Variants in NT5C3A observed in about 807,000 individuals in gnomAD.
The protein encoded by NT5C3A is cytosolic 5'-nucleotidase 3A.
Under a neutral mutation model 40.0 loss-of-function variants are expected in NT5C3A, and 23 were observed. That is an observed-to-expected ratio of 0.58 (90% CI 0.41 to 0.81). The LOEUF is 0.81. Among genes scored for constraint, NT5C3A ranks in the 40% least tolerant of loss-of-function variants. NT5C3A has a pLI of 0.00. For synonymous variants in NT5C3A, 130 were observed against 141.4 expected, an observed-to-expected ratio of 0.92 and a Z score of 0.57; for missense variants, 328 against 403.0, an observed-to-expected ratio of 0.81 and a Z score of 1.59.
At chr7:33,032,903 GC>G (rs1308652904) in intron 1 of NT5C3A, among the ~76,000 whole-genome samples, 2 of 152,078 alleles carry the variant, frequency 1.3e-5, no homozygotes, top group Admixed American at 6.5e-5. Context: ...ACAGCCATCT[GC>G]CACTATGCCC....
At chr7:33,062,229 T>TTA (rs975013148) in intron 1 of NT5C3A, among the ~76,000 whole-genome samples, 3 of 152,130 alleles carry the variant, frequency 2.0e-5, no homozygotes, top group Non-Finnish European at 1.5e-5. Flanking sequence ...GACATGCAGC[T>TTA]TATCTCTAGA....
At chr7:33,022,514 G>A (rs1171213668) in intron 3 of NT5C3A, among the ~76,000 whole-genome samples, 1 of 152,074 alleles carries the variant, frequency 6.6e-6, no homozygotes, top group Non-Finnish European at 1.5e-5. Context: ...CCAGACCACT[G>A]TAAAGAAGAA....
intron 1 of NT5C3A, chr7:33,041,011 T>G: frequency 1.0e-6 from 1 of 985,482 alleles, no homozygotes; most frequent in African/African-American, 1.7e-5. Context: ...GACGCACTGC[T>G]GCACAGTACT....
At chr7:33,021,037 G>A (rs1037026220) in intron 5 of NT5C3A, among the ~76,000 whole-genome samples, 3 of 152,096 alleles carry the variant, frequency 2.0e-5, no homozygotes, top group African/African-American at 7.2e-5. Flanking sequence ...AGACTTAAAT[G>A]CAGGACTTTT....
intron 1 of NT5C3A, among the ~76,000 whole-genome samples, chr7:33,053,588 G>C (rs1583968685): frequency 6.6e-6 from 1 of 151,984 alleles, no homozygotes; most frequent in African/African-American, 2.4e-5. Context: ...TTGAGCCCAG[G>C]AGGTCGAGGT....
intron 4 of NT5C3A, among the ~76,000 whole-genome samples, chr7:33,021,656 T>C (rs1322372413): frequency 3.9e-5 from 6 of 152,170 alleles, no homozygotes; most frequent in African/African-American, 1.4e-4. Context: ...ACATTTCAAA[T>C]TGCATTTTGT....
intron 1 of NT5C3A, among the ~76,000 whole-genome samples, chr7:33,033,044 G>A (rs760059158): frequency 1.8e-4 from 28 of 152,212 alleles, no homozygotes; most frequent in Non-Finnish European, 3.7e-4. Flanking sequence ...GAGCCACAGT[G>A]CCCAGCCTCA....
intron 1 of NT5C3A, among the ~76,000 whole-genome samples, chr7:33,030,719 T>C (rs998200359): frequency 2.6e-5 from 4 of 152,158 alleles, no homozygotes; most frequent in African/African-American, 9.7e-5. Flanking sequence ...ATGAAATGGA[T>C]TTCAAAGTTA....
intron 1 of NT5C3A, among the ~76,000 whole-genome samples, chr7:33,030,614 T>C (rs1786195428): frequency 6.6e-6 from 1 of 152,228 alleles, no homozygotes; most frequent in East Asian, 1.9e-4. Flanking sequence ...TCAGGGTATG[T>C]TGGTTGATTG....
chr7:33,023,617 C>T (rs1446560597), intron 3 of NT5C3A: 4 of 194,946 alleles, frequency 2.1e-5, no homozygotes, highest in East Asian at 1.4e-4. Context: ...TTCATTTCAC[C>T]GTTTCCCTGT....
intron 3 of NT5C3A, among the ~76,000 whole-genome samples, chr7:33,023,321 C>T (rs975050024): frequency 3.9e-4 from 60 of 152,102 alleles, no homozygotes; most frequent in African/African-American, 1.4e-3. Flanking sequence ...CGCAGTTGTG[C>T]AATCTTGGCT....
chr7:33,015,662 A>G lies in NT5C3A; in HGVS notation c.894+8T>C, dbSNP rs377135229. The stretch of plus-strand genomic sequence containing the variant: ...TCTTCGAAAAAAATTACAGATTTGT[A>G]TACTTACTCTATCATTTAGATATCC... On this transcript the variant is annotated splice_region_variant and intron_variant, in intron 8 of 8. Coordinates refer to ENST00000610140, the MANE Select transcript of NT5C3A (RefSeq NM_001002010.5). The G allele has an allele frequency of 1.7e-5, 26 of 1,564,024 alleles. No individual in the cohort carries two copies. Among genetic ancestry groups the G allele is most frequent in the Non-Finnish European group, 2.0e-5 (23 of 1,136,650 alleles).
chr7:33,017,577 A>G lies in NT5C3A; in HGVS notation c.555T>C (p.Asp185=). 6.2e-7 allele frequency: 1 copy of G among 1,613,906 alleles called. No individual in the cohort carries two copies. The highest frequency in any genetic ancestry group is 8.5e-7 in the Non-Finnish European group (1 of 1,179,768). The change falls in exon 7 of 9, where the codon GAT becomes GAC. Residue 185 remains aspartate, a synonymous_variant. Transcript: ENST00000610140. ...MLKEGYENFF[D]KLQQHSIPVF... Reference sequence around the variant, plus strand: ...CGGGGATGCTATGTTGTTGGAGCTTATCAAAGAAATTCTCATATCCTTCTC... The same window carrying G: ...CGGGGATGCTATGTTGTTGGAGCTTGTCAAAGAAATTCTCATATCCTTCTC...
chr7:33,026,751 C>T lies in NT5C3A; in HGVS notation c.237+66G>A, dbSNP rs907296715. On this transcript the variant is annotated intron_variant, in intron 2 of 8. Coordinates refer to ENST00000610140, the MANE Select transcript of NT5C3A (RefSeq NM_001002010.5). ...TCAAGTGATCCTCCTGCTTCAGTCT[C>T]CCAAAGTGCTGGAATTACAGGCATG... 5 of 1,112,292 alleles carry T rather than the reference C, an allele frequency of 4.5e-6. No homozygotes were observed. The Admixed American group carries it at 8.5e-5, about 19-fold the overall frequency. 68.9% of individuals were successfully genotyped at this position (1,112,292 alleles called of 1,614,324 possible).
At position 33,038,030 on chromosome 7, in the gene NT5C3A, T is replaced by C. The variant is rs80058546; in HGVS notation, c.139-11115A>G. 1.1e-4 allele frequency among the ~76,000 whole-genome samples: 16 copies of C among 152,296 alleles called. No individual in the cohort carries two copies. The East Asian group carries it at 2.7e-3, about 26-fold the overall frequency. ...TATAGAAGCTGCATGCAAGTCTATT[T>C]CTTCATTCATAGCAATCAAAGCCTA... On this transcript the variant is annotated intron_variant, in intron 1 of 8. Coordinates refer to ENST00000610140, the MANE Select transcript of NT5C3A (RefSeq NM_001002010.5).
intron 1 of NT5C3A, among the ~76,000 whole-genome samples, chr7:33,054,447 C>T (rs1006509971): frequency 6.6e-6 from 1 of 152,070 alleles, no homozygotes; most frequent in Admixed American, 6.5e-5. Context: ...AGCCATGAAT[C>T]ATTATGCAAT....
intron 1 of NT5C3A, among the ~76,000 whole-genome samples, chr7:33,044,174 A>G (rs925168407): frequency 6.6e-5 from 10 of 152,072 alleles, no homozygotes; most frequent in African/African-American, 2.4e-4. Context: ...GATTACAGGC[A>G]TGCACCACCA....
At chr7:33,036,100 T>C in intron 1 of NT5C3A, 1 of 803,678 alleles carries the variant, frequency 1.2e-6, no homozygotes, top group Non-Finnish European at 2.1e-6. Context: ...GTGGAATTTT[T>C]GGTATGACTT....
At chr7:33,028,978 C>T (rs1786098235) in intron 1 of NT5C3A, among the ~76,000 whole-genome samples, 1 of 151,048 alleles carries the variant, frequency 6.6e-6, no homozygotes, top group South Asian at 2.1e-4. Flanking sequence ...TGGCGTAAAC[C>T]CGGGAGGCAG....
Sources: gnomAD v4.1 joint callset for allele counts (sites outside exome capture counted in the v4.1 genomes callset) on GRCh38, gnomAD v4.1.1 for gene constraint, MANE v1.5 for transcripts, NCBI Gene and HGNC (gene_info 2026-07-23, HGNC 2026-07-21) for gene names.